The following SMOX variants were observed in gnomAD, a reference collection of about 807,000 sequenced individuals.
SMOX encodes flavin containing amine oxidase.
A neutral mutation model predicts 51.0 loss-of-function variants in SMOX; 22 were observed. The observed-to-expected ratio is 0.43, with a 90% confidence interval of 0.31 to 0.62. The LOEUF is 0.62. Among genes scored for constraint, SMOX ranks in the 20% least tolerant of loss-of-function variants. SMOX has a pLI of 0.10. For synonymous variants in SMOX, 282 were observed against 307.8 expected, an observed-to-expected ratio of 0.92 and a Z score of 0.88; for missense variants, 566 against 777.7, an observed-to-expected ratio of 0.73 and a Z score of 3.24.
In SMOX at chr20:4,187,374, G is replaced by C; in HGVS notation, c.1635G>C (p.Glu545Asp). The C allele has an allele frequency of 1.9e-6, 3 of 1,614,200 alleles. No homozygotes were observed. Among genetic ancestry groups the C allele is most frequent in the South Asian group, 1.1e-5 (1 of 91,076 alleles). Residue 545 changes from glutamate (E) to aspartate (D), a missense_variant, in exon 7 of 7, where the codon GAG becomes GAC. Physicochemically the swap from Glu to Asp is conservative, Grantham distance 45. Coordinates refer to ENST00000305958, the MANE Select transcript of SMOX (RefSeq NM_175839.3). The surrounding 1 kb of genome is among the most constrained non-coding windows in gnomAD (Gnocchi z 4.8). ...SGQREAARLI[E>D]MYRDLFQQGT ...AGCGTGAGGCTGCCCGCCTCATTGA[G>C]ATGTACCGAGACCTCTTCCAGCAGG...
At position 4,177,869 on chromosome 20, in the gene SMOX, TG is replaced by T. The variant is rs1161808419; in HGVS notation, c.435+293del. On this transcript the variant is annotated intron_variant, in intron 3 of 6. Transcript: ENST00000305958. The surrounding 1 kb of genome is among the most constrained non-coding windows in gnomAD (Gnocchi z 4.3). ...AACTCTACACAAAAAATGAGAATTTTGTCTTTTTTTCCTTTCTAGTCATTAG... is the reference window on the plus strand; with the variant it reads ...AACTCTACACAAAAAATGAGAATTTTTCTTTTTTTCCTTTCTAGTCATTAG... Among the ~76,000 whole-genome samples, 3 of 152,232 alleles carry T rather than the reference TG, an allele frequency of 2.0e-5. No individual in the cohort carries two copies. The highest frequency in any genetic ancestry group is 6.5e-5 in the Admixed American group (1 of 15,282).
intron 1 of SMOX, among the ~76,000 whole-genome samples, chr20:4,161,488 G>T (rs1352144790): frequency 6.6e-6 from 1 of 152,250 alleles, no homozygotes; most frequent in Admixed American, 6.5e-5. Context: ...GAAGGGCAAA[G>T]ATGATGACCA....
intron 2 of SMOX, among the ~76,000 whole-genome samples, chr20:4,176,675 A>C (rs1373357063): frequency 6.6e-6 from 1 of 152,158 alleles, no homozygotes; most frequent in Admixed American, 6.5e-5. Flanking sequence ...CTTGCCTCAG[A>C]GTATATGATG....
intron 1 of SMOX, among the ~76,000 whole-genome samples, chr20:4,157,412 AGAG>A (rs1336827605): frequency 6.6e-6 from 1 of 152,182 alleles, no homozygotes; most frequent in Non-Finnish European, 1.5e-5. Context: ...AGTAGCCTGC[AGAG>A]GAGAAGAAAG....
At chr20:4,180,567 G>A (rs944588086) in intron 3 of SMOX, among the ~76,000 whole-genome samples, 2 of 152,162 alleles carry the variant, frequency 1.3e-5, no homozygotes, top group Non-Finnish European at 2.9e-5. Flanking sequence ...GCCCTCCAGC[G>A]ATGCCAGGGC....
intron 1 of SMOX, among the ~76,000 whole-genome samples, chr20:4,159,253 A>G (rs1267250993): frequency 1.3e-5 from 2 of 152,126 alleles, no homozygotes; most frequent in Non-Finnish European, 2.9e-5. Flanking sequence ...CTAGGATTAC[A>G]GGTGCCTGCC....
Position 4,175,099 on chromosome 20 carries a change from T to C in SMOX, c.44T>C (p.Leu15Pro), listed in dbSNP as rs1978731334. 8 of 1,614,242 alleles carry C rather than the reference T, an allele frequency of 5.0e-6. No homozygotes were observed. The highest frequency in any genetic ancestry group is 6.8e-6 in the Non-Finnish European group (8 of 1,180,044). The change falls in exon 2 of 7, where the codon CTC becomes CCC. Residue 15 changes from leucine (L) to proline (P), a missense_variant. Leu to Pro is a moderately conservative substitution (Grantham distance 98). Transcript: ENST00000305958. ...AGTGGTGACAGTGCGGATGACCCTC[T>C]CAGTCGCGGCCTACGGAGAAGGGGA... is the stretch of plus-strand genomic sequence containing the variant. The part of the protein sequence containing the change: ...ESSGDSADDP[L>P]SRGLRRRGQP...
At chr20:4,176,507 C>T (rs1281707585) in intron 2 of SMOX, among the ~76,000 whole-genome samples, 5 of 152,166 alleles carry the variant, frequency 3.3e-5, no homozygotes, top group Non-Finnish European at 7.4e-5. Context: ...TATCTTGAAG[C>T]AGGCCTGCAA....
At chr20:4,154,507 C>G (rs1985911349) in intron 1 of SMOX, among the ~76,000 whole-genome samples, 1 of 151,986 alleles carries the variant, frequency 6.6e-6, no homozygotes, top group Non-Finnish European at 1.5e-5. Flanking sequence ...TTCTGAGTAG[C>G]AGTAGCTGGG....
intron 1 of SMOX, among the ~76,000 whole-genome samples, chr20:4,162,060 G>A (rs2122430549): frequency 6.6e-6 from 1 of 152,350 alleles, no homozygotes; most frequent in East Asian, 1.9e-4. Flanking sequence ...GGTGCCTTGG[G>A]CGGCAGGTCG....
At chr20:4,174,360 G>A (rs762866165) in intron 1 of SMOX, among the ~76,000 whole-genome samples, 1 of 152,008 alleles carries the variant, frequency 6.6e-6, no homozygotes, top group Non-Finnish European at 1.5e-5. Flanking sequence ...AATATCTTGG[G>A]GTCCATGCAA....
intron 1 of SMOX, among the ~76,000 whole-genome samples, chr20:4,161,207 A>G (rs1033176367): frequency 3.3e-5 from 5 of 152,200 alleles, no homozygotes. Context: ...CCCAGGCTGC[A>G]GAATGGGTGG....
chr20:4,161,880 A>C (rs954246373), intron 1 of SMOX, among the ~76,000 whole-genome samples: 4 of 152,192 alleles, frequency 2.6e-5, no homozygotes, highest in African/African-American at 9.6e-5. Context: ...GGGCTCACTC[A>C]CAAACCCTGT....
rs1979291790 is a variant in SMOX, at chr20:4,181,172, C to T, written c.436-631C>T. On this transcript the variant is annotated intron_variant, in intron 3 of 6. Coordinates refer to ENST00000305958, the MANE Select transcript of SMOX (RefSeq NM_175839.3). This position sits in a 1 kb window ranked among gnomAD's most constrained non-coding sequence, Gnocchi z 5.6. ...TGAAATGCATCTCCCTTCCTTGGCA[C>T]ACTGGGGCCTCCTGAGACCCTGGCT... Among the ~76,000 whole-genome samples the T allele has an allele frequency of 6.6e-6, 1 of 152,178 alleles. No individual in the cohort carries two copies. Among genetic ancestry groups the T allele is most frequent in the South Asian group, 2.1e-4 (1 of 4,834 alleles).
intron 6 of SMOX, among the ~76,000 whole-genome samples, chr20:4,185,941 C>T (rs1476017950): frequency 6.6e-6 from 1 of 151,168 alleles, no homozygotes; most frequent in South Asian, 2.1e-4. Flanking sequence ...AACACACACA[C>T]ACACAAATAA....
In SMOX at chr20:4,177,493, G is replaced by C; in HGVS notation, c.351G>C (p.Lys117Asn). ...RSVGRISLYS[K>N]NGVACYLTNH... ...TGGGCCGCATCAGCCTCTATTCCAA[G>C]AATGGCGTGGCCTGCTACCTTACCA... The change falls in exon 3 of 7, where the codon AAG becomes AAC. Residue 117 changes from lysine (K) to asparagine (N), a missense_variant. Physicochemically the swap from Lys to Asn is moderately conservative, Grantham distance 94. This residue lies in a region of SMOX where 217 missense variants were observed against 278.4 expected (regional missense o/e 0.78). Transcript: ENST00000305958. The surrounding 1 kb of genome is among the most constrained non-coding windows in gnomAD (Gnocchi z 4.3). 6.3e-7 allele frequency: 1 copy of C among 1,588,996 alleles called. No homozygotes were observed. Among genetic ancestry groups the C allele is most frequent in the South Asian group, 1.1e-5 (1 of 87,396 alleles).
chr20:4,177,619 G>T lies in SMOX; in HGVS notation c.435+42G>T. 6.5e-7 allele frequency: 1 copy of T among 1,534,624 alleles called. No individual in the cohort carries two copies. Among genetic ancestry groups the T allele is most frequent in the South Asian group, 1.2e-5 (1 of 83,664 alleles). ...GTAGCTGGGCGTAAGGGCATGGGGA[G>T]ACCTGGGAGGTCTGTGATTCTGGTC... On this transcript the variant is annotated intron_variant, in intron 3 of 6. Transcript: ENST00000305958. This position sits in a 1 kb window ranked among gnomAD's most constrained non-coding sequence, Gnocchi z 4.3.
At position 4,178,870 on chromosome 20, in the gene SMOX, A is replaced by G. The variant is rs141090218; in HGVS notation, c.435+1293A>G. Among the ~76,000 whole-genome samples the G allele has an allele frequency of 7.1e-3, 1,077 of 152,202 alleles. 1 individual carries two copies. Among genetic ancestry groups the G allele is most frequent in the Non-Finnish European group, 0.012 (785 of 67,998 alleles). ...AGCTAATTTTGTATTTTTAGTAGAA[A>G]TGGGGTTTTACCACGTTGGTCAGGC... On this transcript the variant is annotated intron_variant, in intron 3 of 6. Transcript: ENST00000305958.
rs1978476365 is a variant in SMOX, at chr20:4,172,495, G to T, written c.-26-2535G>T. Among the ~76,000 whole-genome samples, 1 of 152,122 alleles carries T rather than the reference G, an allele frequency of 6.6e-6. No homozygotes were observed. Among genetic ancestry groups the T allele is most frequent in the Non-Finnish European group, 1.5e-5 (1 of 68,004 alleles). The stretch of plus-strand genomic sequence containing the variant: ...GCCAGCCCTGATCCGTGTCCTCTCG[G>T]GAGGGAGGCAGGACCTAGCATCTCT... On this transcript the variant is annotated intron_variant, in intron 1 of 6. Transcript: ENST00000305958. The surrounding 1 kb of genome is among the most constrained non-coding windows in gnomAD (Gnocchi z 7.7).
Sources: gnomAD v4.1 joint callset for allele counts (sites outside exome capture counted in the v4.1 genomes callset) on GRCh38, gnomAD v4.1.1 for gene constraint, gnomAD v4.1.1 regional missense constraint, Gnocchi (gnomAD v3.1) non-coding constraint, MANE v1.5 for transcripts, NCBI Gene and HGNC (gene_info 2026-07-23, HGNC 2026-07-21) for gene names.